Variants in RORC observed in about 807,000 individuals in gnomAD.
The protein encoded by RORC is RAR related orphan receptor C.
A neutral mutation model predicts 64.5 loss-of-function variants in RORC; 13 were observed. That is an observed-to-expected ratio of 0.20 (90% CI 0.13 to 0.32). The LOEUF is 0.32. Ranked by LOEUF, RORC falls within the 10% of genes least tolerant of loss-of-function variation. RORC has a pLI of 1.00. For synonymous variants in RORC, 277 were observed against 259.3 expected (o/e 1.07, Z -0.65); for missense variants, 468 against 669.5 (o/e 0.70, Z 3.32).
intron 10 of RORC, among the ~76,000 whole-genome samples, chr1:151,811,007 T>C (rs1162918070): frequency 6.6e-6 from 1 of 152,210 alleles, no homozygotes; most frequent in African/African-American, 2.4e-5. Context: ...TTAAAATCTC[T>C]TGGTGGGGGC....
chr1:151,817,114 G>GTGTGTGTGTA (rs1651790622), intron 3 of RORC, 81 bp downstream of exon 3: 2 of 837,996 alleles, frequency 2.4e-6, no homozygotes, highest in African/African-American at 3.6e-5. Context: ...AGGAGACACT[G>GTGTGTGTGTA]TGTGTGTGTG....
rs1553293049 is a variant in RORC, at chr1:151,830,621, TAC to T, written c.40+1102_40+1103del. ...TGCTGTTCAGTCTTGACACCTGACA[TAC>T]ACACACACACACACACACACACACA... On this transcript the variant is annotated intron_variant, in intron 1 of 10. Transcript: ENST00000318247. The surrounding 1 kb of genome is among the most constrained non-coding windows in gnomAD (Gnocchi z 4.0). 0.028 allele frequency among the ~76,000 whole-genome samples: 1,609 copies of T among 57,136 alleles called. 41 individuals are homozygous for T. Among genetic ancestry groups the T allele is most frequent in the African/African-American group, 0.061 (1,431 of 23,610 alleles). The allele number at this position is 57,136 out of a possible 152,430, so 37.5% of individuals were successfully genotyped here. A position where few individuals can be genotyped will look rare whatever the true frequency, so the allele number is the denominator to read the frequency against.
Position 151,813,041 on chromosome 1 carries a change from G to A in RORC, c.1191C>T (p.Ile397=). The part of the protein sequence containing the change: ...LFRALGCSEL[I]SSIFDFSHSL... ...AGTGGGAGAAGTCAAAGATGGAGCT[G>A]ATGAGCTCGCTGCAGCCTGATGGAG... Residue 397 remains isoleucine (I), a synonymous_variant, in exon 9 of 11, where the codon ATC becomes ATT. Transcript: ENST00000318247. 1 of 1,613,404 alleles carries A rather than the reference G, an allele frequency of 6.2e-7. No homozygotes were observed. The highest frequency in any genetic ancestry group is 8.5e-7 in the Non-Finnish European group (1 of 1,179,332).
At chr1:151,829,204 G>C (rs4845604) in intron 2 of RORC, among the ~76,000 whole-genome samples, 8 of 149,080 alleles carry the variant, frequency 5.4e-5, no homozygotes, top group Non-Finnish European at 1.2e-4. Flanking sequence ...GTTCTCTCCT[G>C]GTTTCTTTAC....
chr1:151,811,661 C>T (rs987054990), intron 9 of RORC: 13 of 377,654 alleles, frequency 3.4e-5, no homozygotes, highest in African/African-American at 2.6e-4. Flanking sequence ...TTTCTGATCT[C>T]CTGACTCCAA....
intron 2 of RORC, among the ~76,000 whole-genome samples, chr1:151,824,564 C>A (rs1652118205): frequency 6.6e-6 from 1 of 152,202 alleles, no homozygotes; most frequent in Non-Finnish European, 1.5e-5. Context: ...TCCTTATCCA[C>A]CCCAGCTCAT....
intron 2 of RORC, among the ~76,000 whole-genome samples, chr1:151,820,094 C>A (rs1373795938): frequency 1.3e-5 from 2 of 152,162 alleles, no homozygotes; most frequent in South Asian, 2.1e-4. Flanking sequence ...TTGCCCAACC[C>A]ATGGCCCCCT....
Position 151,823,670 on chromosome 1 carries a change from C to T in RORC, c.70+5759G>A, listed in dbSNP as rs1024949491. ...TTTGTTTGTTTAAGAGACAGGGTCT[C>T]GCTCTGTCACCTAAGCTAGGGTGCT... is the stretch of plus-strand genomic sequence containing the variant. On this transcript the variant is annotated intron_variant, in intron 2 of 10. Coordinates refer to ENST00000318247, the MANE Select transcript of RORC (RefSeq NM_005060.4). Among the ~76,000 whole-genome samples, 7 of 152,156 alleles carry T rather than the reference C, an allele frequency of 4.6e-5. No individual in the cohort carries two copies. The South Asian group carries it at 6.2e-4, about 14-fold the overall frequency.
At chr1:151,813,815 C>T (rs1238101493) in intron 6 of RORC, 195 bp from the exon 7 acceptor site, 22 of 596,830 alleles carry the variant, frequency 3.7e-5, no homozygotes, top group South Asian at 1.5e-4. Flanking sequence ...GAGCACCTAC[C>T]GGCTGCTGAC....
intron 2 of RORC, among the ~76,000 whole-genome samples, chr1:151,821,624 A>G (rs61815119): frequency 0.32 from 49,205 of 152,110 alleles, 8,517 homozygotes; most frequent in South Asian, 0.47. Context: ...GACTAAGGTC[A>G]CACAGCCAGA....
intron 2 of RORC, among the ~76,000 whole-genome samples, chr1:151,819,661 G>A (rs1462116684): frequency 6.6e-6 from 1 of 152,158 alleles, no homozygotes; most frequent in Non-Finnish European, 1.5e-5. Context: ...CCACATCCGC[G>A]TGCGTGTGTG....
chr1:151,807,662 GTCAA>G lies in RORC; in HGVS notation c.1396-33_1396-30del. ...GATATGGGTTAATGGGGAAGGGAGGGTCAATACTTCAGCTCTCCTCAGAGCAAAG... is the reference window on the plus strand; with the variant it reads ...GATATGGGTTAATGGGGAAGGGAGGGTACTTCAGCTCTCCTCAGAGCAAAG... On this transcript the variant is annotated intron_variant, in intron 10 of 10. Coordinates refer to ENST00000318247, the MANE Select transcript of RORC (RefSeq NM_005060.4). This position sits in a 1 kb window ranked among gnomAD's most constrained non-coding sequence, Gnocchi z 5.0. 3 of 1,611,828 alleles carry G rather than the reference GTCAA, an allele frequency of 1.9e-6. No individual in the cohort carries two copies. In the East Asian group the frequency reaches 6.7e-5, roughly 36 times the overall value.
chr1:151,830,811 A>T lies in RORC; in HGVS notation c.40+914T>A. 1 of 152,958 alleles carries T rather than the reference A, an allele frequency of 6.5e-6. No individual in the cohort carries two copies. Among genetic ancestry groups the T allele is most frequent in the Admixed American group, 8.1e-5 (1 of 12,404 alleles). The allele number at this position is 152,958 out of a possible 1,614,324, so 9.5% of individuals were successfully genotyped here. A position where few individuals can be genotyped will look rare whatever the true frequency, so the allele number is the denominator to read the frequency against. ...GGCAAGGCCCCACCCAGCCCCGCCCACCTCCCCTTGCTCCTGCCTGGCCCC... is the reference window on the plus strand; with the variant it reads ...GGCAAGGCCCCACCCAGCCCCGCCCTCCTCCCCTTGCTCCTGCCTGGCCCC... On this transcript the variant is annotated intron_variant, in intron 1 of 10. Transcript: ENST00000318247. This position sits in a 1 kb window ranked among gnomAD's most constrained non-coding sequence, Gnocchi z 4.0.
intron 9 of RORC, chr1:151,812,637 T>C (rs1651586369): frequency 3.6e-6 from 1 of 276,164 alleles, no homozygotes; most frequent in Non-Finnish European, 6.9e-6. Context: ...TTCTGATGTG[T>C]GCTACAATGA....
At chr1:151,810,258 T>A (rs1029815950) in intron 10 of RORC, among the ~76,000 whole-genome samples, 1 of 152,112 alleles carries the variant, frequency 6.6e-6, no homozygotes, top group African/African-American at 2.4e-5. Context: ...TATTGTTCCC[T>A]AAGCCTGGAA....
At chr1:151,824,670 C>T (rs1652121697) in intron 2 of RORC, among the ~76,000 whole-genome samples, 1 of 152,208 alleles carries the variant, frequency 6.6e-6, no homozygotes. Flanking sequence ...GCTGAGTCTC[C>T]ATCATCACCC....
chr1:151,813,504 A>G lies in RORC; in HGVS notation c.1050T>C (p.Ile350=), dbSNP rs1651623512. Residue 350 remains isoleucine, a synonymous_variant, in exon 7 of 11, where the codon ATT becomes ATC. Coordinates refer to ENST00000318247, the MANE Select transcript of RORC (RefSeq NM_005060.4). ...CCTGGGCACCTGCTTTGAGAAGCACAATCTGGTCATTCTGGCAGAGCTCCA... is the reference window on the plus strand; with the variant it reads ...CCTGGGCACCTGCTTTGAGAAGCACGATCTGGTCATTCTGGCAGAGCTCCA... ...GFMELCQNDQ[I]VLLKAGAMEV... is the part of the protein sequence containing the mutation. 1 of 1,613,978 alleles carries G rather than the reference A, an allele frequency of 6.2e-7. No homozygotes were observed. The highest frequency in any genetic ancestry group is 1.3e-5 in the African/African-American group (1 of 74,906).
intron 2 of RORC, among the ~76,000 whole-genome samples, chr1:151,825,183 G>T (rs962853205): frequency 6.6e-6 from 1 of 152,160 alleles, no homozygotes; most frequent in Non-Finnish European, 1.5e-5. Context: ...TGAGGCCGAG[G>T]TCTTTCCAAT....
Position 151,815,156 on chromosome 1 carries a change from A to G in RORC, c.568T>C (p.Leu190=). 1 of 1,613,970 alleles carries G rather than the reference A, an allele frequency of 6.2e-7. No individual in the cohort carries two copies. Among genetic ancestry groups the G allele is most frequent in the Non-Finnish European group, 8.5e-7 (1 of 1,179,926 alleles). The change falls in exon 5 of 11, where the codon TTG becomes CTG. Residue 190 remains leucine, a synonymous_variant. Transcript: ENST00000318247. ...GCCCCATTGAGCCCTGCCTTGGCCA[A>G]GTTGTTGGAATATGAGGGCCCAGAG... is the stretch of plus-strand genomic sequence containing the variant. ...SGSGPSYSNN[L]AKAGLNGASC...
Sources: allele counts gnomAD v4.1 joint callset (sites outside exome capture counted in the v4.1 genomes callset), GRCh38; gene constraint gnomAD v4.1.1; non-coding constraint Gnocchi (gnomAD v3.1); transcripts MANE v1.5; gene names NCBI Gene and HGNC (gene_info 2026-07-23, HGNC 2026-07-21).